The following RPRD2 variants were observed in gnomAD, a reference collection of about 807,000 sequenced individuals.
RPRD2 encodes regulation of nuclear pre-mRNA domain-containing protein 2.
In RPRD2, 12 loss-of-function variants were observed where a neutral mutation model predicts 104.4. The observed-to-expected ratio is 0.11, with a 90% confidence interval of 0.07 to 0.19. The LOEUF (loss-of-function observed/expected upper bound fraction) is 0.19. Among genes scored for constraint, RPRD2 ranks in the 10% least tolerant of loss-of-function variants. The pLI, the probability that RPRD2 is intolerant of heterozygous loss-of-function variation, is 1.00. For missense variants in RPRD2, 1,543 were observed against 1,790.1 expected (o/e 0.86, Z 2.49); for synonymous variants, 714 against 684.9 (o/e 1.04, Z -0.66).
intron 1 of RPRD2, among the ~76,000 whole-genome samples, chr1:150,406,683 G>A (rs698923): frequency 0.3 from 45,292 of 151,996 alleles, 8,207 homozygotes; most frequent in Non-Finnish European, 0.4. Flanking sequence ...ACAGGAATGC[G>A]CCACCACGCC....
chr1:150,463,896 A>G (rs1553899346), intron 9 of RPRD2, among the ~76,000 whole-genome samples: 1 of 152,210 alleles, frequency 6.6e-6, no homozygotes, highest in East Asian at 1.9e-4. Flanking sequence ...AATTCCCAGC[A>G]CTTTGAAAAG....
chr1:150,468,987 G>A (rs1053198990), intron 10 of RPRD2, among the ~76,000 whole-genome samples: 4 of 150,912 alleles, frequency 2.7e-5, no homozygotes, highest in Admixed American at 2.0e-4. Flanking sequence ...CATAACTAAA[G>A]TAAACATTAT....
intron 7 of RPRD2, among the ~76,000 whole-genome samples, chr1:150,456,413 G>A (rs1667527481): frequency 6.6e-6 from 1 of 152,062 alleles, no homozygotes. Context: ...CTTGACAGAT[G>A]ATATATTATC....
At chr1:150,464,370 T>C (rs1026319904) in intron 9 of RPRD2, among the ~76,000 whole-genome samples, 157 bp from the exon 10 acceptor site, 1 of 141,620 alleles carries the variant, frequency 7.1e-6, no homozygotes, top group Admixed American at 6.8e-5. Context: ...GGGTTTTTTT[T>C]TTTTTTTTTG....
chr1:150,409,855 A>G (rs900787475), intron 1 of RPRD2, among the ~76,000 whole-genome samples: 14 of 151,896 alleles, frequency 9.2e-5, no homozygotes, highest in Non-Finnish European at 2.1e-4. Context: ...ATGTTGGTCA[A>G]GCTGGTCTTG....
In RPRD2 at chr1:150,471,868, C is replaced by G; in HGVS notation, c.2920C>G (p.Leu974Val). 6.2e-7 allele frequency: 1 copy of G among 1,614,000 alleles called. No individual in the cohort carries two copies. Among genetic ancestry groups the G allele is most frequent in the Non-Finnish European group, 8.5e-7 (1 of 1,179,892 alleles). The change falls in exon 11 of 11, where the codon CTT (leucine) becomes GTT (valine). Residue 974 changes from leucine (L) to valine (V), a missense_variant. Around this residue, in one of 4 missense-constraint regions of RPRD2, gnomAD observed 880 missense variants for 885.6 expected, o/e 0.99. Coordinates refer to ENST00000369068, the MANE Select transcript of RPRD2 (RefSeq NM_015203.5). The surrounding 1 kb of genome is among the most constrained non-coding windows in gnomAD (Gnocchi z 5.3). ...TCCTCACCCAGTCCCACATCGTTCC[C>G]TTTTCTCTCCGCAGAACACCCTTGC... ...DSPHPVPHRS[L>V]FSPQNTLAAP...
rs776378083 is a variant in RPRD2, at chr1:150,470,595, C to T, written c.1647C>T (p.Asn549=). Residue 549 remains asparagine (N), a synonymous_variant, in exon 11 of 11, where the codon AAC becomes AAT. Transcript: ENST00000369068. The stretch of plus-strand genomic sequence containing the variant: ...CTTTACTTCAGAGTGTTACTGGGAA[C>T]CCAGTTCCAGCCAGTGAAGCTGCCT... The part of the protein sequence containing the change: ...LSSLLQSVTG[N]PVPASEAASQ... 6.2e-7 allele frequency: 1 copy of T among 1,613,876 alleles called. No homozygotes were observed. The highest frequency in any genetic ancestry group is 8.5e-7 in the Non-Finnish European group (1 of 1,179,816).
intron 1 of RPRD2, among the ~76,000 whole-genome samples, chr1:150,404,857 T>C (rs1663344168): frequency 6.6e-6 from 1 of 152,234 alleles, no homozygotes; most frequent in Non-Finnish European, 1.5e-5. Flanking sequence ...CATTTTAATA[T>C]TTATTGCACC....
intron 1 of RPRD2, among the ~76,000 whole-genome samples, chr1:150,382,480 T>C (rs1267702141): frequency 6.6e-6 from 1 of 151,902 alleles, no homozygotes; most frequent in African/African-American, 2.4e-5. Flanking sequence ...CAAGTGATCC[T>C]CTTGAGTAGC....
intron 1 of RPRD2, among the ~76,000 whole-genome samples, chr1:150,400,459 C>T (rs1553885099): frequency 1.3e-5 from 2 of 152,150 alleles, no homozygotes; most frequent in African/African-American, 4.8e-5. Flanking sequence ...GAAACTGTTC[C>T]ACCTCAGATC....
At position 150,458,764 on chromosome 1, in the gene RPRD2, C is replaced by G. The variant is rs587628484; in HGVS notation, c.1153+1194C>G. Among the ~76,000 whole-genome samples, 128 of 152,124 alleles carry G rather than the reference C, an allele frequency of 8.4e-4. 1 individual carries two copies. The highest frequency in any genetic ancestry group is 2.0e-3 in the Admixed American group (30 of 15,284). On this transcript the variant is annotated intron_variant, in intron 8 of 10. Transcript: ENST00000369068. Reference sequence around the variant, plus strand: ...AAACAATTCTCCTGCCTCAGCCTCCCGAGTAGCTAGGATTGATTGTAGGTG... The same window carrying G: ...AAACAATTCTCCTGCCTCAGCCTCCGGAGTAGCTAGGATTGATTGTAGGTG...
Position 150,387,566 on chromosome 1 carries a change from C to CTTTTTTTTTTTTTTTTTTTTTTTTTT in RPRD2, c.205+22647_205+22648insTTTTTTTTTTTTTTTTTTTTTTTTTT, listed in dbSNP as rs1661661325. On this transcript the variant is annotated intron_variant, in intron 1 of 10. Transcript: ENST00000369068. Reference sequence around the variant, plus strand: ...TAAATCTTACAGAAGTTGCAACAGACCTTTTTTTTTTTTTTTTTTTTTTTT... The same window carrying CTTTTTTTTTTTTTTTTTTTTTTTTTT: ...TAAATCTTACAGAAGTTGCAACAGACTTTTTTTTTTTTTTTTTTTTTTTTTTCTTTTTTTTTTTTTTTTTTTTTTTT... 4.3e-5 allele frequency among the ~76,000 whole-genome samples: 3 copies of CTTTTTTTTTTTTTTTTTTTTTTTTTT among 70,132 alleles called. 1 individual carries two copies. Among genetic ancestry groups the CTTTTTTTTTTTTTTTTTTTTTTTTTT allele is most frequent in the South Asian group, 5.8e-4 (1 of 1,720 alleles). The allele number at this position is 70,132 out of a possible 152,430, so 46.0% of individuals were successfully genotyped here. A position where few individuals can be genotyped will look rare whatever the true frequency, so the allele number is the denominator to read the frequency against.
chr1:150,423,245 G>A (rs1553890040), intron 2 of RPRD2, among the ~76,000 whole-genome samples: 1 of 152,142 alleles, frequency 6.6e-6, no homozygotes. Flanking sequence ...TGTCAGAGTT[G>A]AGTTACACTT....
chr1:150,432,175 T>TAAAAAA (rs59749202), intron 2 of RPRD2, among the ~76,000 whole-genome samples: 1 of 131,174 alleles, frequency 7.6e-6, no homozygotes, highest in Admixed American at 7.9e-5. Context: ...CCCTAAATCT[T>TAAAAAA]AAAAAAAAAA....
Position 150,446,356 on chromosome 1 carries a change from A to G in RPRD2, c.825A>G (p.Gly275=). 1.2e-6 allele frequency: 2 copies of G among 1,610,780 alleles called. 1 individual carries two copies. ...TAACAGAAGCACTGGAAAATGCTGG[A>G]ATTTTCTATGAAGCACAATACAAAG... ...PSLTEALENA[G]IFYEAQYKEV... Residue 275 remains glycine (G), a synonymous_variant, in exon 7 of 11, where the codon GGA becomes GGG. Transcript: ENST00000369068.
Position 150,441,032 on chromosome 1 carries a change from C to T in RPRD2, c.436+9C>T. On this transcript the variant is annotated intron_variant, in intron 3 of 10. Coordinates refer to ENST00000369068, the MANE Select transcript of RPRD2 (RefSeq NM_015203.5). ...ATTGAGAGAAGCTTTGAGTAAGTGT[C>T]TTTTTCTCTCCTAAAAGAAAATTTT... The T allele has an allele frequency of 7.0e-7, 1 of 1,437,262 alleles. No individual in the cohort carries two copies. Among genetic ancestry groups the T allele is most frequent in the Non-Finnish European group, 9.5e-7 (1 of 1,052,160 alleles). The allele number at this position is 1,437,262 out of a possible 1,614,324, so 89.0% of individuals were successfully genotyped here.
chr1:150,469,831 T>TA (rs1197346822), intron 10 of RPRD2, among the ~76,000 whole-genome samples: 1 of 152,134 alleles, frequency 6.6e-6, no homozygotes, highest in Non-Finnish European at 1.5e-5. Context: ...TTCCACACTA[T>TA]AAAATGGGGA....
chr1:150,389,457 G>T (rs1553882780), intron 1 of RPRD2, among the ~76,000 whole-genome samples: 1 of 152,112 alleles, frequency 6.6e-6, no homozygotes, highest in Non-Finnish European at 1.5e-5. Flanking sequence ...ATTAGCTGGG[G>T]TTATTGTTTC....
intron 1 of RPRD2, among the ~76,000 whole-genome samples, chr1:150,371,881 A>T (rs1238863934): frequency 6.6e-6 from 1 of 152,210 alleles, no homozygotes; most frequent in Non-Finnish European, 1.5e-5. Context: ...TAGATTAACT[A>T]GACTATCAAG....
Sources: allele counts gnomAD v4.1 joint callset (sites outside exome capture counted in the v4.1 genomes callset), GRCh38; gene constraint gnomAD v4.1.1; regional missense constraint gnomAD v4.1.1; non-coding constraint Gnocchi (gnomAD v3.1); transcripts MANE v1.5; gene names NCBI Gene and HGNC (gene_info 2026-07-23, HGNC 2026-07-21).